The following CDS2 variants were observed in gnomAD, a reference collection of about 807,000 sequenced individuals.
CDS2 encodes the protein CDP-diacylglycerol synthase 2, also known as phosphatidate cytidylyltransferase 2.
CDS2 carries 47 observed loss-of-function variants against 59.0 expected under a neutral mutation model. The ratio of observed to expected loss-of-function variants is 0.80; its 90% CI spans 0.63 to 1.02. The LOEUF (loss-of-function observed/expected upper bound fraction) is 1.02, where lower values mean the gene tolerates loss of function less well. CDS2 is among the 50% of genes least tolerant of loss of function. The pLI, the probability that CDS2 is intolerant of heterozygous loss-of-function variation, is 0.00. For missense variants in CDS2, 356 were observed against 558.9 expected (o/e 0.64, Z 3.66); for synonymous variants, 207 against 206.4 (o/e 1.00, Z -0.02).
Position 5,179,047 on chromosome 20 carries a change from A to G in CDS2, c.529+91A>G, listed in dbSNP as rs1227227991. The G allele has an allele frequency of 3.9e-6, 5 of 1,268,146 alleles. No individual in the cohort carries two copies. The East Asian group carries it at 1.2e-4, about 30-fold the overall frequency. The allele number at this position is 1,268,146 out of a possible 1,614,324, so 78.6% of individuals were successfully genotyped here. ...TTGGGGAATTTCTTGGTTAGTATAC[A>G]GTTTTGTGACATTAACTGTGACCAT... On this transcript the variant is annotated intron_variant, in intron 5 of 12. Transcript: ENST00000460006.
At chr20:5,179,148 G>A (rs149867324) in intron 5 of CDS2, among the ~76,000 whole-genome samples, 192 bp downstream of exon 5, 31 of 148,958 alleles carry the variant, frequency 2.1e-4, no homozygotes, top group African/African-American at 6.0e-4. Context: ...TTGAGCCAGG[G>A]TCTCACTCTG....
intron 1 of CDS2, among the ~76,000 whole-genome samples, chr20:5,142,557 G>A (rs2122972356): frequency 6.6e-6 from 1 of 152,214 alleles, no homozygotes; most frequent in Admixed American, 6.5e-5. Context: ...TTTGAATATT[G>A]GATATTTAAA....
At chr20:5,145,885 G>A (rs1396280460) in intron 1 of CDS2, among the ~76,000 whole-genome samples, 1 of 147,074 alleles carries the variant, frequency 6.8e-6, no homozygotes, top group Admixed American at 6.9e-5. Context: ...GTTCAGTGGT[G>A]TAATTATGGC....
At chr20:5,145,236 A>ACCCCCCCCCCCCCCC (rs796723724) in intron 1 of CDS2, among the ~76,000 whole-genome samples, 1 of 51,968 alleles carries the variant, frequency 1.9e-5, no homozygotes, top group East Asian at 7.3e-4. Context: ...GAAAGGAAAG[A>ACCCCCCCCCCCCCCC]CCCCCCCCCC....
intron 1 of CDS2, among the ~76,000 whole-genome samples, chr20:5,150,227 A>C (rs1033622019): frequency 6.6e-6 from 1 of 152,208 alleles, no homozygotes; most frequent in African/African-American, 2.4e-5. Flanking sequence ...AGCAGGGCTG[A>C]CCATGCAATG....
intron 5 of CDS2, among the ~76,000 whole-genome samples, chr20:5,180,509 C>T (rs1003435841): frequency 2.6e-5 from 4 of 152,042 alleles, no homozygotes; most frequent in African/African-American, 9.7e-5. Flanking sequence ...TTGTAAACTG[C>T]CATGTCACTG....
intron 2 of CDS2, among the ~76,000 whole-genome samples, chr20:5,174,298 G>A (rs2090978236): frequency 6.6e-6 from 1 of 152,166 alleles, no homozygotes; most frequent in African/African-American, 2.4e-5. Context: ...GTGGTTAAGG[G>A]CGTGGACTTT....
At chr20:5,160,791 A>G (rs2090871210) in intron 1 of CDS2, among the ~76,000 whole-genome samples, 1 of 152,174 alleles carries the variant, frequency 6.6e-6, no homozygotes, top group South Asian at 2.1e-4. Flanking sequence ...TACCTCATGT[A>G]AGTGGAATCA....
At chr20:5,139,782 A>C (rs1465963283) in intron 1 of CDS2, among the ~76,000 whole-genome samples, 2 of 149,244 alleles carry the variant, frequency 1.3e-5, no homozygotes, top group Non-Finnish European at 3.0e-5. Context: ...GAATTTTACA[A>C]GTGCTTTTTC....
chr20:5,136,515 T>G (rs2090651216), intron 1 of CDS2, among the ~76,000 whole-genome samples: 1 of 152,180 alleles, frequency 6.6e-6, no homozygotes, highest in African/African-American at 2.4e-5. Flanking sequence ...TCCGAATTCC[T>G]TACCTCTCCT....
intron 1 of CDS2, among the ~76,000 whole-genome samples, chr20:5,157,944 T>C (rs10485482): frequency 0.025 from 3,858 of 152,244 alleles, 70 homozygotes; most frequent in East Asian, 0.081. Flanking sequence ...TACTGACAGA[T>C]TATCATTTTA....
chr20:5,163,280 A>T (rs1368868478), intron 1 of CDS2, among the ~76,000 whole-genome samples: 2 of 151,956 alleles, frequency 1.3e-5, no homozygotes, highest in African/African-American at 4.8e-5. Flanking sequence ...TATTTTTTTG[A>T]GACAGAGTTT....
At position 5,192,666 on chromosome 20, in the gene CDS2, T is replaced by C. The variant is rs1303031330; in HGVS notation, c.*2432T>C. The C allele has an allele frequency of 6.6e-6, 1 of 152,226 alleles. No homozygotes were observed. Among genetic ancestry groups the C allele is most frequent in the Non-Finnish European group, 1.5e-5 (1 of 68,030 alleles). The allele number at this position is 152,226 out of a possible 1,614,324, so 9.4% of individuals were successfully genotyped here. On this transcript the variant is annotated 3_prime_UTR_variant, in exon 13 of 13. Coordinates refer to ENST00000460006, the MANE Select transcript of CDS2 (RefSeq NM_003818.4). The stretch of plus-strand genomic sequence containing the variant: ...GAAATAAAATGTGACTGCAACTGTG[T>C]GCCCTCCCTTGTCGTGAATTCCCTG...
intron 1 of CDS2, among the ~76,000 whole-genome samples, chr20:5,131,292 C>G (rs539900285): frequency 2.4e-4 from 36 of 152,242 alleles, no homozygotes; most frequent in African/African-American, 7.7e-4. Context: ...AAGCCAATTG[C>G]TAATAAAGGA....
At chr20:5,155,556 C>G (rs564492585) in intron 1 of CDS2, among the ~76,000 whole-genome samples, 1 of 152,300 alleles carries the variant, frequency 6.6e-6, no homozygotes, top group East Asian at 1.9e-4. Context: ...TTGGCTGTAG[C>G]CATGTCGATC....
At chr20:5,183,011 T>TAG in intron 6 of CDS2, 50 bp from the exon 7 acceptor site, 1 of 1,465,764 alleles carries the variant, frequency 6.8e-7, no homozygotes, top group Non-Finnish European at 9.5e-7. Flanking sequence ...TCTTTGAAGT[T>TAG]ACTTTCAAGG....
intron 1 of CDS2, among the ~76,000 whole-genome samples, chr20:5,163,799 T>G (rs1430083747): frequency 6.7e-6 from 1 of 150,256 alleles, no homozygotes; most frequent in Non-Finnish European, 1.5e-5. Flanking sequence ...TTCTTTTTTT[T>G]TTTTTTTTTG....
intron 4 of CDS2, among the ~76,000 whole-genome samples, chr20:5,178,113 AG>A (rs2091007489): frequency 6.6e-6 from 1 of 152,212 alleles, no homozygotes; most frequent in Non-Finnish European, 1.5e-5. Flanking sequence ...GGAGGCTGCA[AG>A]GGATGGCTTC....
rs931120804 is a variant in CDS2 at position 5,146,470 on chromosome 20, C to T, written c.57+19321C>T. ...AGTGCAATGGGAGGGTGTTGAGTAGCGTAAGGAGACGTGGTTTATCCCACC... is the reference window on the plus strand; with the variant it reads ...AGTGCAATGGGAGGGTGTTGAGTAGTGTAAGGAGACGTGGTTTATCCCACC... On this transcript the variant is annotated intron_variant, in intron 1 of 12. Transcript: ENST00000460006. Among the ~76,000 whole-genome samples, 5 of 152,218 alleles carry T rather than the reference C, an allele frequency of 3.3e-5. No homozygotes were observed. In the East Asian group the frequency reaches 5.8e-4, roughly 18 times the overall value.
Sources: allele counts gnomAD v4.1 joint callset (sites outside exome capture counted in the v4.1 genomes callset), GRCh38; gene constraint gnomAD v4.1.1; transcripts MANE v1.5; gene names NCBI Gene and HGNC (gene_info 2026-07-23, HGNC 2026-07-21).